Variants in ABR observed in about 807,000 individuals in gnomAD.
ABR encodes active breakpoint cluster region-related protein.
In ABR, 35 loss-of-function variants were observed where a neutral mutation model predicts 107.2. The ratio of observed to expected loss-of-function variants is 0.33; its 90% CI spans 0.25 to 0.43. The LOEUF (loss-of-function observed/expected upper bound fraction) is 0.43. ABR is among the 20% of genes least tolerant of loss of function. ABR has a pLI of 1.00. For synonymous variants in ABR, 498 were observed against 462.0 expected, an observed-to-expected ratio of 1.08 and a Z score of -1.00; for missense variants, 815 against 1,115.2, an observed-to-expected ratio of 0.73 and a Z score of 3.83.
At chr17:1,126,953 C>T (rs1415445500) in intron 1 of ABR, among the ~76,000 whole-genome samples, 1 of 152,188 alleles carries the variant, frequency 6.6e-6, no homozygotes, top group African/African-American at 2.4e-5. Context: ...AAGTTCTCCA[C>T]GGGGGCCCCA....
chr17:1,089,192 A>G (rs568504467), intron 4 of ABR, among the ~76,000 whole-genome samples: 114 of 152,030 alleles, frequency 7.5e-4, no homozygotes, highest in Non-Finnish European at 1.2e-3. Context: ...CACCACGCTC[A>G]GTCAGGCCTA....
intron 2 of ABR, among the ~76,000 whole-genome samples, chr17:1,102,954 C>T (rs2038004982): frequency 6.6e-6 from 1 of 152,146 alleles, no homozygotes; most frequent in African/African-American, 2.4e-5. Context: ...AGGTGATGCG[C>T]CCGCCTCGGC....
At chr17:1,180,087 T>G (rs1416807547), upstream of ABR, among the ~76,000 whole-genome samples, 2 of 147,640 alleles carry the variant, frequency 1.4e-5, no homozygotes, top group South Asian at 2.1e-4. Context: ...ACCAATCGGC[T>G]CGAGGCTCCG....
intron 16 of ABR, chr17:1,031,905 C>G: frequency 9.8e-7 from 1 of 1,019,592 alleles, no homozygotes; most frequent in Non-Finnish European, 1.2e-6. Context: ...CGTCCGCGTC[C>G]CTCCTCCCTC....
At chr17:1,080,908 C>A (rs530565887) in intron 5 of ABR, among the ~76,000 whole-genome samples, 5 of 152,226 alleles carry the variant, frequency 3.3e-5, no homozygotes, top group African/African-American at 1.2e-4. Flanking sequence ...AGCCTAATTG[C>A]AGTAATTAAG....
intron 16 of ABR, among the ~76,000 whole-genome samples, chr17:1,043,455 C>G (rs867186607): frequency 3.3e-5 from 5 of 152,280 alleles, no homozygotes; most frequent in African/African-American, 4.8e-5. Flanking sequence ...AGGCGTGAGC[C>G]ACCGCGCCCG....
At chr17:1,191,419 G>A (rs1389921878), upstream of ABR, among the ~76,000 whole-genome samples, 2 of 146,578 alleles carry the variant, frequency 1.4e-5, no homozygotes, top group Non-Finnish European at 1.5e-5. Flanking sequence ...GTGCAGTGGC[G>A]CAATCTCAGC....
At position 1,005,938 on chromosome 17, in the gene ABR, C is replaced by T; in HGVS notation, c.*142G>A. On this transcript the variant is annotated 3_prime_UTR_variant, in exon 23 of 23. Coordinates refer to ENST00000302538, the MANE Select transcript of ABR (RefSeq NM_021962.5). ...TACAAGGTGGCACAAAAGACGTACG[C>T]ATTCCAGTTCTTGGAAGCTGGCTTC... 1.3e-6 allele frequency: 1 copy of T among 777,682 alleles called. No individual in the cohort carries two copies. The highest frequency in any genetic ancestry group is 1.7e-5 in the South Asian group (1 of 60,446). The allele number at this position is 777,682 out of a possible 1,614,324, so 48.2% of individuals were successfully genotyped here. A position where few individuals can be genotyped will look rare whatever the true frequency, so the allele number is the denominator to read the frequency against.
At position 1,037,868 on chromosome 17, in the gene ABR, T is replaced by C. The variant is rs1157366956; in HGVS notation, c.1791+12182A>G. 2.0e-5 allele frequency among the ~76,000 whole-genome samples: 3 copies of C among 152,174 alleles called. No homozygotes were observed. Among genetic ancestry groups the C allele is most frequent in the Admixed American group, 1.3e-4 (2 of 15,280 alleles). ...CAAAGCCCTGGGAGCCAGGGACCTG[T>C]GGACTCAACGGCTGTGTTTTTCTCT... On this transcript the variant is annotated intron_variant, in intron 16 of 22. Transcript: ENST00000302538. This position sits in a 1 kb window ranked among gnomAD's most constrained non-coding sequence, Gnocchi z 4.6.
chr17:1,138,654 G>C (rs1251887131), intron 1 of ABR, among the ~76,000 whole-genome samples: 1 of 151,958 alleles, frequency 6.6e-6, no homozygotes, highest in Non-Finnish European at 1.5e-5. Context: ...ATTCGAAAAA[G>C]TTTTTGTAGA....
chr17:1,139,052 T>C (rs1166079982), intron 1 of ABR, among the ~76,000 whole-genome samples: 1 of 152,138 alleles, frequency 6.6e-6, no homozygotes, highest in Non-Finnish European at 1.5e-5. Context: ...AATCCAGACA[T>C]TTGTAAACAC....
chr17:1,215,413 A>AT (rs1347502382), intron 1 of ABR, among the ~76,000 whole-genome samples: 1 of 151,860 alleles, frequency 6.6e-6, no homozygotes, highest in Non-Finnish European at 1.5e-5. Context: ...TGGTTTTCGT[A>AT]TTTTTTTGGT....
At chr17:1,214,439 A>G (rs2042960486) in intron 1 of ABR, among the ~76,000 whole-genome samples, 1 of 152,172 alleles carries the variant, frequency 6.6e-6, no homozygotes, top group Non-Finnish European at 1.5e-5. Context: ...TACCCTAACA[A>G]TGCTGAATAT....
rs1358267196 is a variant in ABR at position 1,125,343 on chromosome 17, T to C, written c.86A>G (p.Tyr29Cys). The C allele has an allele frequency of 1.9e-6, 3 of 1,613,842 alleles. No individual in the cohort carries two copies. The highest frequency in any genetic ancestry group is 2.2e-5 in the South Asian group (2 of 91,086). Reference protein sequence around the residue: ...YSNFSYGTDEYDGEGNEEQKG... With the variant: ...YSNFSYGTDECDGEGNEEQKG... The stretch of plus-strand genomic sequence containing the variant: ...CTGCTCCTCATTCCCCTCTCCGTCG[T>C]ACTCGTCCGTCCCGTAGCTGAAGTC... The change falls in exon 2 of 23, where the codon TAC becomes TGC. Residue 29 changes from tyrosine to cysteine, a missense_variant. This residue lies in a region of ABR where 129 missense variants were observed against 124.8 expected (regional missense o/e 1.03). Coordinates refer to ENST00000302538, the MANE Select transcript of ABR (RefSeq NM_021962.5).
At chr17:1,190,725 G>C (rs555574010), upstream of ABR, among the ~76,000 whole-genome samples, 23 of 152,244 alleles carry the variant, frequency 1.5e-4, no homozygotes, top group Non-Finnish European at 2.9e-4. Flanking sequence ...TTCTAGGTGG[G>C]TGCCCGTCCC....
intron 1 of ABR, among the ~76,000 whole-genome samples, chr17:1,171,732 G>A (rs2041718165): frequency 6.6e-6 from 1 of 152,178 alleles, no homozygotes; most frequent in African/African-American, 2.4e-5. Context: ...AGGAGTTCGA[G>A]ACCAGCCTGA....
At chr17:1,182,579 G>A (rs1489758658), upstream of ABR, among the ~76,000 whole-genome samples, 1 of 152,168 alleles carries the variant, frequency 6.6e-6, no homozygotes, top group Non-Finnish European at 1.5e-5. Flanking sequence ...TGTTAGCCAG[G>A]ATGATCTTGA....
chr17:1,204,431 C>T (rs1054146494), intron 1 of ABR, among the ~76,000 whole-genome samples: 1 of 152,092 alleles, frequency 6.6e-6, no homozygotes, highest in East Asian at 1.9e-4. Context: ...GGCGACACAG[C>T]GAGACTCTGT....
upstream of ABR, among the ~76,000 whole-genome samples, chr17:1,189,154 G>C (rs562834110): frequency 6.6e-6 from 1 of 152,120 alleles, no homozygotes; most frequent in African/African-American, 2.4e-5. Context: ...GTGAGACTCC[G>C]GCCACAGTGG....
Sources: allele counts gnomAD v4.1 joint callset (sites outside exome capture counted in the v4.1 genomes callset), GRCh38; gene constraint gnomAD v4.1.1; regional missense constraint gnomAD v4.1.1; non-coding constraint Gnocchi (gnomAD v3.1); transcripts MANE v1.5; gene names NCBI Gene and HGNC (gene_info 2026-07-23, HGNC 2026-07-21).